SVEP1: variants seen among roughly 807,000 people sequenced by gnomAD.
SVEP1 encodes the protein sushi, von Willebrand factor type A, EGF and pentraxin domain-containing protein 1.
Under a neutral mutation model 367.3 loss-of-function variants are expected in SVEP1, and 164 were observed. That is an observed-to-expected ratio of 0.45 (90% CI 0.39 to 0.51). SVEP1 has a LOEUF of 0.51. SVEP1 is among the 20% of genes least tolerant of loss of function. SVEP1 has a pLI of 0.00. For missense variants in SVEP1, 4,117 were observed against 4,425.3 expected, an observed-to-expected ratio of 0.93 and a Z score of 1.98; for synonymous variants, 1,666 against 1,611.6, an observed-to-expected ratio of 1.03 and a Z score of -0.81.
intron 36 of SVEP1, among the ~76,000 whole-genome samples, chr9:110,413,247 TG>T (rs1167293519): frequency 1.4e-5 from 2 of 146,602 alleles, no homozygotes; most frequent in Non-Finnish European, 3.0e-5. Context: ...TGTAGGGACA[TG>T]GATGAAATTG....
chr9:110,446,064 G>C, intron 25 of SVEP1, 26 bp from the exon 26 acceptor site: 5 of 1,575,928 alleles, frequency 3.2e-6, no homozygotes, highest in Non-Finnish European at 4.3e-6. Flanking sequence ...AAAGTGTGCA[G>C]ACTGTGGCAC....
In SVEP1 at chr9:110,387,979, C is replaced by T. The variant is rs565767131; in HGVS notation, c.9887-521G>A. ...CTGAAATTTAAATATAACTGCATGT[C>T]CTGTATTTTTGTTTCTTCTAAATCT... On this transcript the variant is annotated intron_variant, in intron 41 of 47. Coordinates refer to ENST00000374469, the MANE Select transcript of SVEP1 (RefSeq NM_153366.4). Among the ~76,000 whole-genome samples, 7 of 152,168 alleles carry T rather than the reference C, an allele frequency of 4.6e-5. 1 individual carries two copies. In the South Asian group the frequency reaches 1.5e-3, roughly 32 times the overall value.
rs747573604 is a variant in SVEP1, at chr9:110,379,332, C to G, written c.10408+15G>C. 2 of 1,611,194 alleles carry G rather than the reference C, an allele frequency of 1.2e-6. No homozygotes were observed. Among genetic ancestry groups the G allele is most frequent in the Non-Finnish European group, 1.7e-6 (2 of 1,178,378 alleles). Reference sequence around the variant, plus strand: ...GCAGTTTCACTAAGAAATAACCATTCAAATATTTCCTTACCTCTGCAAATA... The same window carrying G: ...GCAGTTTCACTAAGAAATAACCATTGAAATATTTCCTTACCTCTGCAAATA... On this transcript the variant is annotated intron_variant, in intron 44 of 47. Coordinates refer to ENST00000374469, the MANE Select transcript of SVEP1 (RefSeq NM_153366.4).
chr9:110,473,404 A>G (rs1312069513), intron 14 of SVEP1, among the ~76,000 whole-genome samples: 7 of 152,250 alleles, frequency 4.6e-5, no homozygotes, highest in Non-Finnish European at 8.8e-5. Context: ...GTGAATGTAT[A>G]AATATACACA....
chr9:110,443,819 G>T, intron 26 of SVEP1, 99 bp from the exon 27 acceptor site: 1 of 1,064,378 alleles, frequency 9.4e-7, no homozygotes, highest in Non-Finnish European at 1.3e-6. Context: ...CTTTTTTTGT[G>T]GGTAAAGTAC....
At chr9:110,460,772 A>C (rs1347731236) in intron 18 of SVEP1, among the ~76,000 whole-genome samples, 10 of 152,178 alleles carry the variant, frequency 6.6e-5, no homozygotes, top group Non-Finnish European at 1.5e-4. Flanking sequence ...AAAAAAAAGA[A>C]AATTCAAGGA....
At chr9:110,528,072 ATG>A (rs1279606727) in intron 3 of SVEP1, among the ~76,000 whole-genome samples, 1 of 72,222 alleles carries the variant, frequency 1.4e-5, no homozygotes, top group Admixed American at 1.9e-4. Flanking sequence ...TCCATGGTGT[ATG>A]TATATATATA....
chr9:110,389,835 T>TA (rs1827599575), intron 40 of SVEP1, among the ~76,000 whole-genome samples: 1 of 139,260 alleles, frequency 7.2e-6, no homozygotes. Flanking sequence ...CCTTTTATTT[T>TA]AAACGGCAAC....
At chr9:110,415,676 C>T (rs1828109627) in intron 36 of SVEP1, among the ~76,000 whole-genome samples, 1 of 151,972 alleles carries the variant, frequency 6.6e-6, no homozygotes, top group Non-Finnish European at 1.5e-5. Flanking sequence ...TGAGTGCTGA[C>T]TTCTTGTTCT....
chr9:110,379,239 G>A, intron 44 of SVEP1, 108 bp downstream of exon 44: 1 of 1,252,042 alleles, frequency 8.0e-7, no homozygotes, highest in South Asian at 1.7e-5. Context: ...AAATTTTAAA[G>A]CCAAGGAAAA....
chr9:110,427,989 T>G (rs1828280740), intron 35 of SVEP1, among the ~76,000 whole-genome samples: 1 of 152,182 alleles, frequency 6.6e-6, no homozygotes, highest in Non-Finnish European at 1.5e-5. Context: ...AATCACTTGG[T>G]GCATAGTAAA....
chr9:110,503,276 T>C, intron 5 of SVEP1, 59 bp from the exon 6 acceptor site: 1 of 1,532,662 alleles, frequency 6.5e-7, no homozygotes, highest in Non-Finnish European at 8.8e-7. Flanking sequence ...AAATAATAAT[T>C]ACAAGTTTAG....
At chr9:110,451,682 T>A (rs1281738845) in intron 22 of SVEP1, among the ~76,000 whole-genome samples, 1 of 152,214 alleles carries the variant, frequency 6.6e-6, no homozygotes, top group Non-Finnish European at 1.5e-5. Flanking sequence ...TTGTTTTAAA[T>A]TTTTTCTCCT....
intron 1 of SVEP1, among the ~76,000 whole-genome samples, chr9:110,574,318 C>T (rs7870950): frequency 0.077 from 11,713 of 152,254 alleles, 455 homozygotes; most frequent in East Asian, 0.09. Context: ...CAGTTTCAAA[C>T]AGAAAAGGTT....
At chr9:110,394,292 C>A (rs1234335468) in intron 40 of SVEP1, among the ~76,000 whole-genome samples, 1 of 152,178 alleles carries the variant, frequency 6.6e-6, no homozygotes, top group South Asian at 2.1e-4. Flanking sequence ...AGCTGAGGGT[C>A]CTGTCTGTTG....
At position 110,432,469 on chromosome 9, in the gene SVEP1, G is replaced by A. The variant is rs1828364887; in HGVS notation, c.5226C>T (p.Ser1742=). The change falls in exon 31 of 48, where the codon TCC becomes TCT. Residue 1742 remains serine, a synonymous_variant. Transcript: ENST00000374469. ...TGCCAACATTTATCTCACCAAGGCA[G>A]GATGGTGAAACGCCGTTCCAGCTCC... ...DNGSWNGVSP[S]CLDVDECAVG... is the part of the protein sequence containing the mutation. 6.2e-6 allele frequency: 10 copies of A among 1,612,264 alleles called. No individual in the cohort carries two copies. Among genetic ancestry groups the A allele is most frequent in the Non-Finnish European group, 8.5e-6 (10 of 1,179,268 alleles).
chr9:110,425,632 AT>A (rs1173670848), intron 36 of SVEP1, among the ~76,000 whole-genome samples: 1 of 152,216 alleles, frequency 6.6e-6, no homozygotes, highest in Non-Finnish European at 1.5e-5. Flanking sequence ...AAATGAATAG[AT>A]TTTTTAATCG....
At chr9:110,466,175 T>A in intron 17 of SVEP1, 149 bp from the exon 18 acceptor site, 1 of 781,752 alleles carries the variant, frequency 1.3e-6, no homozygotes. Flanking sequence ...TAGCTAAGCA[T>A]ACGCATATTG....
intron 40 of SVEP1, among the ~76,000 whole-genome samples, chr9:110,397,950 T>A (rs1451197809): frequency 2.0e-5 from 3 of 150,760 alleles, no homozygotes; most frequent in African/African-American, 7.3e-5. Flanking sequence ...GCCATCCCCA[T>A]CGAGCAACCA....
Sources: gnomAD v4.1 joint callset for allele counts (sites outside exome capture counted in the v4.1 genomes callset) on GRCh38, gnomAD v4.1.1 for gene constraint, MANE v1.5 for transcripts, NCBI Gene and HGNC (gene_info 2026-07-23, HGNC 2026-07-21) for gene names.